The following NT5C1B variants were observed in gnomAD, a reference collection of about 807,000 sequenced individuals.
NT5C1B encodes the protein 5'-nucleotidase, cytosolic IB.
Under a neutral mutation model 57.8 loss-of-function variants are expected in NT5C1B, and 44 were observed. That is an observed-to-expected ratio of 0.76 (90% confidence interval 0.60 to 0.98). NT5C1B has a LOEUF of 0.98. Among genes scored for constraint, NT5C1B ranks in the 50% least tolerant of loss-of-function variants. The probability of loss-of-function intolerance (pLI) is 0.00; values close to 1 mark genes in which losing one functional copy is unlikely to be tolerated. For missense variants in NT5C1B, 742 were observed against 719.5 expected, an observed-to-expected ratio of 1.03 and a Z score of -0.36; for synonymous variants, 284 against 282.6, an observed-to-expected ratio of 1.00 and a Z score of -0.05.
exon 9 of NT5C1B, chr2:18,563,886 G>T: frequency 6.2e-7 from 1 of 1,614,124 alleles, no homozygotes; most frequent in Non-Finnish European, 8.5e-7. Flanking sequence ...CATCAAAGAA[G>T]ATGTGGGGCC....
intron 6 of NT5C1B, among the ~76,000 whole-genome samples, chr2:18,577,882 C>G (rs73226373): frequency 6.6e-6 from 1 of 151,714 alleles, no homozygotes; most frequent in Non-Finnish European, 1.5e-5. Context: ...CAAAGAAAAA[C>G]AGAGAGAAAA....
At position 18,584,640 on chromosome 2, in the gene NT5C1B, C is replaced by G; in HGVS notation, c.597G>C (p.Leu199=). 6.2e-7 allele frequency: 1 copy of G among 1,613,144 alleles called. No individual in the cohort carries two copies. Among genetic ancestry groups the G allele is most frequent in the South Asian group, 1.1e-5 (1 of 90,856 alleles). The change falls in exon 4 of 9, where the codon CTG becomes CTC. Residue 199 remains leucine, a synonymous_variant. Transcript: ENST00000304081. This position sits in a 1 kb window ranked among gnomAD's most constrained non-coding sequence, Gnocchi z 5.8. ...GCTGCTCGGACAGAGAGTTGCGGTC[C>G]AGCTGGGTGGAGGCGGGGTAGATCC...
intron 1 of NT5C1B, among the ~76,000 whole-genome samples, chr2:18,588,652 G>T (rs1327471199): frequency 6.6e-6 from 1 of 151,826 alleles, no homozygotes; most frequent in Non-Finnish European, 1.5e-5. Context: ...CTTGTTCCAG[G>T]TCTCTGACCA....
At position 18,582,848 on chromosome 2, in the gene NT5C1B, A is replaced by G. The variant is rs752541428; in HGVS notation, c.1021+20T>C. On this transcript the variant is annotated intron_variant, in intron 6 of 8. Coordinates refer to ENST00000304081, the Ensembl canonical transcript of NT5C1B. ...TCAGAGCGGAGAGCTGGTCTTCCAC[A>G]TGGTATTTATTTTACTTACCGTAGT... is the stretch of plus-strand genomic sequence containing the variant. 3 of 1,610,358 alleles carry G rather than the reference A, an allele frequency of 1.9e-6. No individual in the cohort carries two copies. Among genetic ancestry groups the G allele is most frequent in the African/African-American group, 1.3e-5 (1 of 74,900 alleles).
chr2:18,583,800 C>G (rs1024659218), intron 5 of NT5C1B: 7 of 598,060 alleles, frequency 1.2e-5, no homozygotes, highest in Non-Finnish European at 2.2e-5. Context: ...ATTATGGCTT[C>G]TTAGCACTCC....
intron 2 of NT5C1B, chr2:18,587,237 C>G: frequency 6.5e-7 from 1 of 1,540,720 alleles, no homozygotes; most frequent in Non-Finnish European, 8.8e-7. Flanking sequence ...CTGATTTGAA[C>G]AAAGACCAGT....
chr2:18,583,700 A>G (rs971226239), intron 5 of NT5C1B: 1 of 379,898 alleles, frequency 2.6e-6, no homozygotes, highest in South Asian at 2.0e-5. Context: ...TATTTTCTTA[A>G]TATGCTATGT....
rs146275944 is a variant in NT5C1B, at chr2:18,583,903, C to T, written c.891+185G>A. On this transcript the variant is annotated intron_variant, in intron 5 of 8. Transcript: ENST00000304081. ...CAAATCTAGGGCTGTGGGCTGGAGT[C>T]CCTTCCTCCACAGTCTGGAAGCCTG... is the stretch of plus-strand genomic sequence containing the variant. 8,442 of 957,110 alleles carry T rather than the reference C, an allele frequency of 8.8e-3. 57 individuals carry two copies. Among genetic ancestry groups the T allele is most frequent in the Non-Finnish European group, 0.01 (6,218 of 605,758 alleles). The allele number at this position is 957,110 out of a possible 1,614,324, so 59.3% of individuals were successfully genotyped here. A position where few individuals can be genotyped will look rare whatever the true frequency, so the allele number is the denominator to read the frequency against.
In NT5C1B at chr2:18,586,409, A is replaced by C; in HGVS notation, c.121-18T>G. 1 of 1,613,634 alleles carries C rather than the reference A, an allele frequency of 6.2e-7. No individual in the cohort carries two copies. The highest frequency in any genetic ancestry group is 8.5e-7 in the Non-Finnish European group (1 of 1,179,796). On this transcript the variant is annotated intron_variant, in intron 2 of 8. Transcript: ENST00000304081. ...TGTGATCCCTGTGATGGAAAGAAGA[A>C]ACCCAACGGTGTAAAACCCCATCAC...
At position 18,584,475 on chromosome 2, in the gene NT5C1B, A is replaced by C. The variant is rs779901902; in HGVS notation, c.723+39T>G. 1.9e-6 allele frequency: 3 copies of C among 1,587,482 alleles called. No homozygotes were observed. The highest frequency in any genetic ancestry group is 4.6e-5 in the East Asian group (2 of 43,358). Reference sequence around the variant, plus strand: ...AGGGCGGCTGGAAGAGGCTGCAAGGAAGGGCGCCCCGGCTGCCAGGGGCGG... The same window carrying C: ...AGGGCGGCTGGAAGAGGCTGCAAGGCAGGGCGCCCCGGCTGCCAGGGGCGG... On this transcript the variant is annotated intron_variant, in intron 4 of 8. Coordinates refer to ENST00000304081, the Ensembl canonical transcript of NT5C1B. The surrounding 1 kb of genome is among the most constrained non-coding windows in gnomAD (Gnocchi z 5.8).
At chr2:18,565,932 A>G (rs1308597121) in intron 8 of NT5C1B, among the ~76,000 whole-genome samples, 1 of 152,142 alleles carries the variant, frequency 6.6e-6, no homozygotes, top group Non-Finnish European at 1.5e-5. Flanking sequence ...TGTATTTTTA[A>G]CAGTAACAGA....
chr2:18,585,021 C>T, intron 3 of NT5C1B, 43 bp from the exon 4 acceptor site: 1 of 1,583,368 alleles, frequency 6.3e-7, no homozygotes, highest in East Asian at 2.2e-5. Context: ...GCCTGCCTGC[C>T]CATCTCCGGT....
Position 18,584,309 on chromosome 2 carries a change from G to T in NT5C1B, c.724-54C>A. 8.2e-6 allele frequency: 13 copies of T among 1,589,634 alleles called. No homozygotes were observed. The highest frequency in any genetic ancestry group is 1.1e-5 in the Non-Finnish European group (13 of 1,167,358). On this transcript the variant is annotated intron_variant, in intron 4 of 8. Coordinates refer to ENST00000304081, the Ensembl canonical transcript of NT5C1B. This position sits in a 1 kb window ranked among gnomAD's most constrained non-coding sequence, Gnocchi z 5.8. ...AGTCACATAGCCACGAAGAGGACAGGGTTGGGGCTCCTCCAGGGTAGGGTG... is the reference window on the plus strand; with the variant it reads ...AGTCACATAGCCACGAAGAGGACAGTGTTGGGGCTCCTCCAGGGTAGGGTG...
At chr2:18,578,510 C>T (rs1015108811) in intron 6 of NT5C1B, among the ~76,000 whole-genome samples, 1 of 151,794 alleles carries the variant, frequency 6.6e-6, no homozygotes, top group Non-Finnish European at 1.5e-5. Context: ...GTAAAAAGAA[C>T]TAAAAGTTCT....
At chr2:18,588,156 C>G (rs1410437463) in intron 1 of NT5C1B, among the ~76,000 whole-genome samples, 1 of 152,108 alleles carries the variant, frequency 6.6e-6, no homozygotes, top group African/African-American at 2.4e-5. Flanking sequence ...AAAGGGATTT[C>G]TTACCAACAA....
chr2:18,567,563 C>T (rs1209975828), intron 8 of NT5C1B, among the ~76,000 whole-genome samples: 5 of 152,190 alleles, frequency 3.3e-5, no homozygotes, highest in Admixed American at 6.5e-5. Context: ...GAAAAACCCT[C>T]TGGTAAGCCA....
intron 5 of NT5C1B, chr2:18,583,461 C>G (rs1053954590): frequency 2.0e-5 from 4 of 202,966 alleles, no homozygotes; most frequent in African/African-American, 9.3e-5. Flanking sequence ...TATATTCTGT[C>G]AGAGTACTTT....
exon 9 of NT5C1B, chr2:18,563,601 G>A: frequency 2.0e-6 from 1 of 509,836 alleles, no homozygotes; most frequent in South Asian, 4.3e-5. Flanking sequence ...AACAGTATTG[G>A]TAGTTCAAAG....
At chr2:18,576,146 T>C in intron 8 of NT5C1B, 38 bp downstream of exon 8, 1 of 1,534,830 alleles carries the variant, frequency 6.5e-7, no homozygotes, top group Non-Finnish European at 8.7e-7. Context: ...AGAAAATAAA[T>C]AAGTACATAA....
Sources: allele counts gnomAD v4.1 joint callset (sites outside exome capture counted in the v4.1 genomes callset), GRCh38; gene constraint gnomAD v4.1.1; non-coding constraint Gnocchi (gnomAD v3.1); transcripts MANE v1.5; gene names NCBI Gene and HGNC (gene_info 2026-07-23, HGNC 2026-07-21).